The following HEATR5B variants were observed in gnomAD, a reference collection of about 807,000 sequenced individuals.
HEATR5B encodes the protein HEAT repeat-containing protein 5B.
A neutral mutation model predicts 224.1 loss-of-function variants in HEATR5B; 156 were observed. The observed-to-expected ratio is 0.70, with a 90% confidence interval of 0.61 to 0.80. The LOEUF is 0.80. Ranked by LOEUF, HEATR5B falls within the 30% of genes least tolerant of loss-of-function variation. HEATR5B has a pLI of 0.00. For synonymous variants in HEATR5B, 1,027 were observed against 893.0 expected, an observed-to-expected ratio of 1.15 and a Z score of -2.68; for missense variants, 2,323 against 2,535.5, an observed-to-expected ratio of 0.92 and a Z score of 1.80.
rs143125412 is a variant in HEATR5B at position 37,060,067 on chromosome 2, G to A, written c.1849+514C>T. Among the ~76,000 whole-genome samples, 488 of 152,254 alleles carry A rather than the reference G, an allele frequency of 3.2e-3. 4 individuals are homozygous for A. The highest frequency in any genetic ancestry group is 0.017 in the Middle Eastern group (5 of 294). Reference sequence around the variant, plus strand: ...ACGAAACAAAACCTGAGCGTTTCCTGTAAGCTGTTAACTCCCAGACAAAAA... The same window carrying A: ...ACGAAACAAAACCTGAGCGTTTCCTATAAGCTGTTAACTCCCAGACAAAAA... On this transcript the variant is annotated intron_variant, in intron 12 of 35. Transcript: ENST00000233099.
intron 22 of HEATR5B, among the ~76,000 whole-genome samples, chr2:37,029,747 T>C (rs960623896): frequency 9.9e-5 from 15 of 151,988 alleles, no homozygotes; most frequent in Non-Finnish European, 2.9e-5. Context: ...AAGACCAGCC[T>C]GGCCAAGATG....
Position 37,068,885 on chromosome 2 carries a change from G to A in HEATR5B, c.973C>T (p.Arg325Cys), listed in dbSNP as rs757089586. Residue 325 changes from arginine (R) to cysteine (C), a missense_variant, in exon 8 of 36, where the codon CGC (arginine) becomes TGC (cysteine). Physicochemically the swap from Arg to Cys is radical, Grantham distance 180 (BLOSUM62 -3). Coordinates refer to ENST00000233099, the MANE Select transcript of HEATR5B (RefSeq NM_019024.3). The part of the protein sequence containing the change: ...VTTLGGQWLE[R>C]SFATFLSHVL... Reference sequence around the variant, plus strand: ...TGGGACAGGAACGTGGCAAAGCTGCGCTCCAACCACTGACCACCCAATGTT... The same window carrying A: ...TGGGACAGGAACGTGGCAAAGCTGCACTCCAACCACTGACCACCCAATGTT... 1.7e-5 allele frequency: 28 copies of A among 1,613,948 alleles called. No individual in the cohort carries two copies. The Middle Eastern group carries it at 4.9e-4, about 28-fold the overall frequency.
rs62133112 is a variant in HEATR5B at position 37,061,774 on chromosome 2, A to T, written c.1696+165T>A. On this transcript the variant is annotated intron_variant, in intron 11 of 35. Transcript: ENST00000233099. Reference sequence around the variant, plus strand: ...TAAATGTACTTAAGCAATAATTACCAAAAAGAGAAATCTACTAGCAAATGA... The same window carrying T: ...TAAATGTACTTAAGCAATAATTACCTAAAAGAGAAATCTACTAGCAAATGA... 0.04 allele frequency among the ~76,000 whole-genome samples: 6,126 copies of T among 152,330 alleles called. 165 individuals carry two copies. Among genetic ancestry groups the T allele is most frequent in the South Asian group, 0.082 (398 of 4,826 alleles).
intron 23 of HEATR5B, 107 bp from the exon 24 acceptor site, chr2:37,028,281 T>C: frequency 1.5e-6 from 1 of 667,454 alleles, no homozygotes; most frequent in South Asian, 4.9e-5. Context: ...GACTAAATTC[T>C]TACTTGCTGG....
chr2:37,053,592 A>G lies in HEATR5B; in HGVS notation c.2415T>C (p.Asp805=), dbSNP rs538256815. 23 of 1,601,582 alleles carry G rather than the reference A, an allele frequency of 1.4e-5. No individual in the cohort carries two copies. In the African/African-American group the frequency reaches 3.1e-4, roughly 21 times the overall value. ...VSYKHRLQML[D]HFAECVKQAK... ...CTTGTTTAACACATTCAGCAAAGTG[A>G]TCCAACATTTGTAATCTATAACAAT... The change falls in exon 17 of 36, where the codon GAT becomes GAC. Residue 805 remains aspartate (D), a synonymous_variant. Transcript: ENST00000233099.
chr2:37,065,957 G>A, intron 8 of HEATR5B, 47 bp from the exon 9 acceptor site: 1 of 1,550,386 alleles, frequency 6.5e-7, no homozygotes, highest in Non-Finnish European at 8.8e-7. Flanking sequence ...ATGAATTGTG[G>A]TATGATTTTT....
chr2:36,988,928 T>C, intron 34 of HEATR5B, 69 bp from the exon 35 acceptor site: 1 of 1,144,454 alleles, frequency 8.7e-7, no homozygotes, highest in Non-Finnish European at 1.3e-6. Flanking sequence ...TCACATTGCA[T>C]CTTACTATGT....
chr2:37,030,909 A>G (rs2148468831), intron 22 of HEATR5B, among the ~76,000 whole-genome samples: 1 of 152,318 alleles, frequency 6.6e-6, no homozygotes, highest in Non-Finnish European at 1.5e-5. Context: ...GAGGTTTCCC[A>G]CCATTAATTC....
At chr2:37,026,974 T>G (rs890907167) in intron 24 of HEATR5B, among the ~76,000 whole-genome samples, 3 of 152,134 alleles carry the variant, frequency 2.0e-5, no homozygotes, top group Non-Finnish European at 2.9e-5. Context: ...ATTTGTTGTA[T>G]TTTTAGTAGA....
intron 18 of HEATR5B, among the ~76,000 whole-genome samples, chr2:37,044,055 G>A (rs1670037834): frequency 6.6e-6 from 1 of 152,218 alleles, no homozygotes; most frequent in Middle Eastern, 3.4e-3. Context: ...ATATCAAGAT[G>A]TAATCAATAT....
intron 33 of HEATR5B, among the ~76,000 whole-genome samples, chr2:36,991,963 C>T (rs939332337): frequency 1.3e-5 from 2 of 152,204 alleles, no homozygotes; most frequent in African/African-American, 4.8e-5. Context: ...GGTGTGGTGG[C>T]TCATGCCTGT....
At position 37,075,475 on chromosome 2, in the gene HEATR5B, G is replaced by A. The variant is rs757411463; in HGVS notation, c.597+10C>T. The A allele has an allele frequency of 2.6e-5, 41 of 1,600,182 alleles. No homozygotes were observed. The highest frequency in any genetic ancestry group is 4.0e-5 in the African/African-American group (3 of 74,244). On this transcript the variant is annotated intron_variant, in intron 5 of 35. Transcript: ENST00000233099. Reference sequence around the variant, plus strand: ...TAAAGAGCAGTATTCTAAATTGGTCGAGTACTAACCTTGGCCACTGCACAT... The same window carrying A: ...TAAAGAGCAGTATTCTAAATTGGTCAAGTACTAACCTTGGCCACTGCACAT...
At chr2:37,043,005 A>G (rs906040148) in intron 18 of HEATR5B, among the ~76,000 whole-genome samples, 2 of 152,120 alleles carry the variant, frequency 1.3e-5, no homozygotes, top group African/African-American at 4.8e-5. Context: ...GCCCTAACTG[A>G]AGAGTATTGA....
At chr2:37,040,913 A>G in intron 19 of HEATR5B, 1 of 493,556 alleles carries the variant, frequency 2.0e-6, no homozygotes. Context: ...AATAAAAAGA[A>G]AATATGTTTG....
chr2:37,022,943 A>T (rs1668552847), intron 24 of HEATR5B, among the ~76,000 whole-genome samples: 1 of 152,208 alleles, frequency 6.6e-6, no homozygotes, highest in African/African-American at 2.4e-5. Flanking sequence ...AGAAGTAGGG[A>T]AATATGTCTC....
chr2:36,990,696 A>G lies in HEATR5B; in HGVS notation c.5649T>C (p.Asn1883=). Residue 1883 remains asparagine (N), a synonymous_variant, in exon 34 of 36, where the codon AAT becomes AAC. Coordinates refer to ENST00000233099, the MANE Select transcript of HEATR5B (RefSeq NM_019024.3). ...NEIIGVQSLQ[N]GCMNRFKNAL... ...CATTTTTAAATCTGTTCATGCAGCCATTCTGTAATGACTGGACTCCTATTA... is the reference window on the plus strand; with the variant it reads ...CATTTTTAAATCTGTTCATGCAGCCGTTCTGTAATGACTGGACTCCTATTA... 2 of 1,610,986 alleles carry G rather than the reference A, an allele frequency of 1.2e-6. No individual in the cohort carries two copies. Among genetic ancestry groups the G allele is most frequent in the Non-Finnish European group, 1.7e-6 (2 of 1,178,664 alleles).
intron 35 of HEATR5B, among the ~76,000 whole-genome samples, chr2:36,985,493 T>C (rs998729542): frequency 4.7e-5 from 7 of 147,594 alleles, no homozygotes; most frequent in African/African-American, 1.7e-4. Context: ...AGTCTCACTC[T>C]GTTGCCCAGG....
intron 19 of HEATR5B, 83 bp downstream of exon 19, chr2:37,041,050 A>G: frequency 1.8e-6 from 2 of 1,114,316 alleles, no homozygotes; most frequent in Non-Finnish European, 2.6e-6. Context: ...ACAACTTACC[A>G]CGGTCATTTT....
At chr2:37,035,289 G>A (rs1389669414) in intron 21 of HEATR5B, among the ~76,000 whole-genome samples, 1 of 152,054 alleles carries the variant, frequency 6.6e-6, no homozygotes, top group Non-Finnish European at 1.5e-5. Context: ...TACAATCAAT[G>A]GTATCTTTAA....
Sources: allele counts gnomAD v4.1 joint callset (sites outside exome capture counted in the v4.1 genomes callset), GRCh38; gene constraint gnomAD v4.1.1; transcripts MANE v1.5; gene names NCBI Gene and HGNC (gene_info 2026-07-23, HGNC 2026-07-21).